The following SENP5 variants were observed in gnomAD, a reference collection of about 807,000 sequenced individuals.
SENP5 encodes the protein sentrin-specific protease 5.
SENP5 carries 21 observed loss-of-function variants against 74.2 expected under a neutral mutation model. That is an observed-to-expected ratio of 0.28 (90% CI 0.20 to 0.41). The LOEUF is 0.41. Among genes scored for constraint, SENP5 ranks in the 10% least tolerant of loss-of-function variants. The pLI is 1.00. For missense variants in SENP5, 717 were observed against 889.1 expected (o/e 0.81, Z 2.46); for synonymous variants, 311 against 312.7 (o/e 0.99, Z 0.06).
Position 196,931,989 on chromosome 3 carries a change from C to T in SENP5, c.*1066C>T. The T allele has an allele frequency of 4.5e-6, 2 of 442,894 alleles. No homozygotes were observed. Among genetic ancestry groups the T allele is most frequent in the Non-Finnish European group, 9.0e-6 (2 of 221,836 alleles). The allele number at this position is 442,894 out of a possible 1,614,324, so 27.4% of individuals were successfully genotyped here. ...GCGCAGCAACCGTGTCAGGTTCTTT[C>T]TCCTGTCCCATTAGTGACCTCAGTA... On this transcript the variant is annotated 3_prime_UTR_variant, in exon 10 of 10. Transcript: ENST00000323460.
chr3:196,924,978 A>C (rs1715758006), intron 7 of SENP5, among the ~76,000 whole-genome samples: 1 of 152,206 alleles, frequency 6.6e-6, no homozygotes, highest in Non-Finnish European at 1.5e-5. Flanking sequence ...TAGAGCTTTA[A>C]AAAGCCAATT....
chr3:196,871,085 G>C (rs1014987777), intron 1 of SENP5, among the ~76,000 whole-genome samples: 4 of 151,680 alleles, frequency 2.6e-5, no homozygotes, highest in Non-Finnish European at 5.9e-5. Flanking sequence ...CAGGAGAATC[G>C]TTTGAACCCA....
At chr3:196,909,748 A>C (rs1328143554) in intron 6 of SENP5, among the ~76,000 whole-genome samples, 1 of 152,242 alleles carries the variant, frequency 6.6e-6, no homozygotes, top group East Asian at 1.9e-4. Flanking sequence ...CTAGGTATTC[A>C]TCAAACATAT....
chr3:196,893,541 A>G (rs1052252032), intron 2 of SENP5, among the ~76,000 whole-genome samples: 4 of 152,198 alleles, frequency 2.6e-5, no homozygotes, highest in African/African-American at 9.7e-5. Context: ...GGAATTGGTT[A>G]CAATACAGTA....
At position 196,885,940 on chromosome 3, in the gene SENP5, C is replaced by A; in HGVS notation, c.759C>A (p.Thr253=). The A allele has an allele frequency of 6.2e-7, 1 of 1,614,142 alleles. No individual in the cohort carries two copies. Among genetic ancestry groups the A allele is most frequent in the South Asian group, 1.1e-5 (1 of 91,076 alleles). The change falls in exon 2 of 10, where the codon ACC becomes ACA. Residue 253 remains threonine (T), a synonymous_variant. Transcript: ENST00000323460. The part of the protein sequence containing the change: ...YRILRSQHFR[T]KSKVCKLRKA... ...TTCTCAGATCCCAGCACTTCAGAAC[C>A]AAAAGCAAGGTTTGCAAGCTAAGAA...
At chr3:196,869,638 T>C (rs1184605763) in intron 1 of SENP5, among the ~76,000 whole-genome samples, 1 of 150,590 alleles carries the variant, frequency 6.6e-6, no homozygotes, top group East Asian at 2.0e-4. Context: ...CGCATGCCTG[T>C]AATCCCAGCT....
At chr3:196,913,438 T>A (rs1715217988) in intron 6 of SENP5, 1 of 151,170 alleles carries the variant, frequency 6.6e-6, no homozygotes, top group Non-Finnish European at 1.5e-5. Context: ...GGTGTGGTGG[T>A]GTGCGCCTGT....
At chr3:196,888,432 A>G (rs1320277188) in intron 2 of SENP5, among the ~76,000 whole-genome samples, 1 of 151,918 alleles carries the variant, frequency 6.6e-6, no homozygotes, top group Non-Finnish European at 1.5e-5. Flanking sequence ...AAAATACAAA[A>G]ATCAGCCAGG....
intron 9 of SENP5, among the ~76,000 whole-genome samples, 163 bp from the exon 10 acceptor site, chr3:196,930,650 C>T (rs1010483973): frequency 2.0e-5 from 3 of 152,142 alleles, no homozygotes; most frequent in Admixed American, 6.5e-5. Context: ...CCCTCTCCCC[C>T]AAGTCTGTGG....
rs188172689 is a variant in SENP5, at chr3:196,910,006, G to A, written c.1884+6396G>A. Among the ~76,000 whole-genome samples, 43 of 152,246 alleles carry A rather than the reference G, an allele frequency of 2.8e-4. 1 individual carries two copies. In the East Asian group the frequency reaches 6.6e-3, roughly 23 times the overall value. On this transcript the variant is annotated intron_variant, in intron 6 of 9. Transcript: ENST00000323460. ...GATTCTATATTTAGAAAATGCCATC[G>A]TCTCAGCCCCAAAACCCCTTACGTT...
chr3:196,930,638 C>A (rs936013459), intron 9 of SENP5, among the ~76,000 whole-genome samples, 175 bp from the exon 10 acceptor site: 1 of 152,138 alleles, frequency 6.6e-6, no homozygotes, highest in Non-Finnish European at 1.5e-5. Context: ...CTGAAACCAA[C>A]CCCCTCTCCC....
At chr3:196,901,608 A>G (rs556775954) in intron 5 of SENP5, among the ~76,000 whole-genome samples, 2 of 152,308 alleles carry the variant, frequency 1.3e-5, no homozygotes, top group Admixed American at 1.3e-4. Context: ...TAACATAAAT[A>G]CTAAAAAGTC....
At chr3:196,906,981 G>A (rs1714927049) in intron 6 of SENP5, among the ~76,000 whole-genome samples, 2 of 152,150 alleles carry the variant, frequency 1.3e-5, no homozygotes, top group Non-Finnish European at 2.9e-5. Context: ...AAATTAACAG[G>A]ATTTGGTGAT....
intron 6 of SENP5, among the ~76,000 whole-genome samples, chr3:196,922,120 G>A (rs1204413787): frequency 2.0e-5 from 3 of 152,176 alleles, no homozygotes. Flanking sequence ...AGAGACCCAA[G>A]CAAGTAATCA....
At chr3:196,915,076 G>T (rs901451451) in intron 6 of SENP5, among the ~76,000 whole-genome samples, 8 of 152,230 alleles carry the variant, frequency 5.3e-5, no homozygotes, top group Non-Finnish European at 1.0e-4. Context: ...TTCCGCCCCA[G>T]CGGTAGGAAC....
At chr3:196,930,637 A>AC (rs1161334437) in intron 9 of SENP5, among the ~76,000 whole-genome samples, 176 bp from the exon 10 acceptor site, 1 of 151,636 alleles carries the variant, frequency 6.6e-6, no homozygotes, top group African/African-American at 2.4e-5. Flanking sequence ...CCTGAAACCA[A>AC]CCCCCTCTCC....
rs114902113 is a variant in SENP5 at position 196,882,979 on chromosome 3, C to T, written c.-31-2172C>T. Among the ~76,000 whole-genome samples, 597 of 149,614 alleles carry T rather than the reference C, an allele frequency of 4.0e-3. 1 individual carries two copies. Among genetic ancestry groups the T allele is most frequent in the Non-Finnish European group, 6.0e-3 (406 of 67,644 alleles). ...GTTATAGTCTCCAGAAAAGAATCTT[C>T]AGTCTGCTTGTATGGGTGAGACAGA... On this transcript the variant is annotated intron_variant, in intron 1 of 9. Transcript: ENST00000323460.
At chr3:196,895,979 A>G (rs1002413806) in intron 2 of SENP5, among the ~76,000 whole-genome samples, 7 of 152,178 alleles carry the variant, frequency 4.6e-5, no homozygotes, top group Non-Finnish European at 7.3e-5. Context: ...AAATTTTAGT[A>G]CTTTGGGAGT....
At chr3:196,891,296 A>C (rs534051531) in intron 2 of SENP5, among the ~76,000 whole-genome samples, 34 of 149,842 alleles carry the variant, frequency 2.3e-4, no homozygotes, top group Admixed American at 1.5e-3. Context: ...GAAGAAGGGG[A>C]ATGAGAGGTG....
Sources: gnomAD v4.1 joint callset for allele counts (sites outside exome capture counted in the v4.1 genomes callset) on GRCh38, gnomAD v4.1.1 for gene constraint, MANE v1.5 for transcripts, NCBI Gene and HGNC (gene_info 2026-07-23, HGNC 2026-07-21) for gene names.